BEST3: variants seen among roughly 807,000 people sequenced by gnomAD.
The protein encoded by BEST3 is bestrophin-3.
Under a neutral mutation model 47.1 loss-of-function variants are expected in BEST3, and 50 were observed. The observed-to-expected ratio is 1.06, with a 90% CI of 0.85 to 1.34. The LOEUF is 1.34. BEST3 is among the 40% of genes most tolerant of loss of function. The pLI, the probability that BEST3 is intolerant of heterozygous loss-of-function variation, is 0.00. For synonymous variants in BEST3, 282 were observed against 298.8 expected, an observed-to-expected ratio of 0.94 and a Z score of 0.58; for missense variants, 765 against 817.0, an observed-to-expected ratio of 0.94 and a Z score of 0.78.
intron 4 of BEST3, among the ~76,000 whole-genome samples, chr12:69,685,510 C>T (rs1159628881): frequency 6.6e-6 from 1 of 152,122 alleles, no homozygotes; most frequent in Non-Finnish European, 1.5e-5. Context: ...CCAGGTTGCT[C>T]TACATACCTA....
chr12:69,689,095 G>A (rs534051031), intron 4 of BEST3: 2 of 985,532 alleles, frequency 2.0e-6, no homozygotes, highest in East Asian at 2.3e-4. Context: ...TCAGGCAGGA[G>A]CAGGTGCTCC....
chr12:69,693,009 C>T (rs1048823139), intron 4 of BEST3, among the ~76,000 whole-genome samples: 7 of 152,102 alleles, frequency 4.6e-5, no homozygotes, highest in Admixed American at 1.3e-4. Context: ...GTGATCCACC[C>T]GCCTGGGCCT....
intron 8 of BEST3, among the ~76,000 whole-genome samples, chr12:69,672,487 T>C (rs769114561): frequency 2.6e-5 from 4 of 152,214 alleles, no homozygotes; most frequent in African/African-American, 9.6e-5. Context: ...ACTGCTGGGA[T>C]TGACGTGATA....
At chr12:69,678,382 G>GT (rs888363120) in intron 5 of BEST3, among the ~76,000 whole-genome samples, 1 of 152,006 alleles carries the variant, frequency 6.6e-6, no homozygotes, top group Non-Finnish European at 1.5e-5. Flanking sequence ...TCTCCTCCAG[G>GT]TTTTTTTCAA....
chr12:69,660,781 G>C (rs1883825637), intron 9 of BEST3: 5 of 152,202 alleles, frequency 3.3e-5, no homozygotes. Flanking sequence ...AGTCAGGCTG[G>C]TTAGTTATAG....
At chr12:69,665,610 C>CA (rs869237502) in intron 9 of BEST3, among the ~76,000 whole-genome samples, 2 of 38,988 alleles carry the variant, frequency 5.1e-5, no homozygotes, top group Non-Finnish European at 1.2e-4. Context: ...AAACAAAACA[C>CA]AAAAAAACAA....
intron 9 of BEST3, among the ~76,000 whole-genome samples, chr12:69,659,373 A>C (rs1436035639): frequency 6.6e-6 from 1 of 152,204 alleles, no homozygotes; most frequent in African/African-American, 2.4e-5. Context: ...ATTTATTTAG[A>C]GACAAAGCCT....
chr12:69,670,392 C>G (rs1339508735), intron 9 of BEST3: 5 of 697,754 alleles, frequency 7.2e-6, no homozygotes, highest in Non-Finnish European at 1.3e-5. Flanking sequence ...CAAGGCAAAT[C>G]TCCTGGCTCC....
chr12:69,678,705 A>G, intron 5 of BEST3, 34 bp downstream of exon 5: 4 of 1,602,432 alleles, frequency 2.5e-6, no homozygotes, highest in Non-Finnish European at 3.4e-6. Context: ...GTCTCTAATT[A>G]GCGTATTTTT....
chr12:69,678,679 A>T (rs1592354866), intron 5 of BEST3, 60 bp downstream of exon 5: 3 of 1,519,244 alleles, frequency 2.0e-6, no homozygotes, highest in Non-Finnish European at 2.7e-6. Flanking sequence ...AACGTGTTAT[A>T]TCCAGGTCCT....
At chr12:69,673,927 A>G (rs1884739796) in intron 7 of BEST3, among the ~76,000 whole-genome samples, 2 of 152,204 alleles carry the variant, frequency 1.3e-5, no homozygotes, top group Non-Finnish European at 2.9e-5. Flanking sequence ...ATATTTGATC[A>G]ATATTAAATA....
In BEST3 at chr12:69,655,703, T is replaced by C. The variant is rs1593132679; in HGVS notation, c.1211A>G (p.His404Arg). 6.2e-7 allele frequency: 1 copy of C among 1,613,520 alleles called. No individual in the cohort carries two copies. The highest frequency in any genetic ancestry group is 1.1e-5 in the South Asian group (1 of 91,042). The change falls in exon 10 of 10, where the codon CAC (histidine) becomes CGC (arginine). Residue 404 changes from histidine (H) to arginine (R), a missense_variant. His to Arg is a conservative substitution (Grantham distance 29, BLOSUM62 0). Transcript: ENST00000330891. ...RVKRFLSAHE[H>R]PSSPRRRSYR... ...GCTTCTTCTTCTGGGGCTGGAGGGG[T>C]GTTCGTGGGCACTCAGGAACCGCTT...
chr12:69,694,109 C>T, intron 3 of BEST3: 1 of 580,968 alleles, frequency 1.7e-6, no homozygotes, highest in Non-Finnish European at 3.0e-6. Context: ...GGTATTAGAT[C>T]TCAAATATTG....
intron 5 of BEST3, among the ~76,000 whole-genome samples, chr12:69,678,234 A>T (rs2588443): frequency 1.0e-3 from 43 of 42,278 alleles, no homozygotes; most frequent in Non-Finnish European, 1.7e-3. Flanking sequence ...GCCCTTATAT[A>T]AAAAAAATTT....
downstream of BEST3, among the ~76,000 whole-genome samples, chr12:69,649,009 T>G (rs1444617011): frequency 6.6e-6 from 1 of 152,184 alleles, no homozygotes; most frequent in Non-Finnish European, 1.5e-5. Context: ...TTTATTATTA[T>G]TATTTGAGAC....
chr12:69,665,591 T>TACAAA (rs869122707), intron 9 of BEST3, among the ~76,000 whole-genome samples: 5 of 151,002 alleles, frequency 3.3e-5, no homozygotes, highest in South Asian at 2.1e-4. Flanking sequence ...AGACCTTGTC[T>TACAAA]ACAAAACAAA....
In BEST3 at chr12:69,697,650, T is replaced by C; in HGVS notation, c.149A>G (p.Tyr50Cys). 2 of 1,585,210 alleles carry C rather than the reference T, an allele frequency of 1.3e-6. No homozygotes were observed. The highest frequency in any genetic ancestry group is 1.7e-6 in the Non-Finnish European group (2 of 1,167,466). The change falls in exon 2 of 10, where the codon TAC becomes TGC. Residue 50 changes from tyrosine to cysteine, a missense_variant. Tyr to Cys is a radical substitution (Grantham distance 194). Transcript: ENST00000330891. Reference sequence around the variant, plus strand: ...GGAGACATGTAAAGAAAAGTACCTGTATACCAAACTTATTGCTGTATAAAG... The same window carrying C: ...GGAGACATGTAAAGAAAAGTACCTGCATACCAAACTTATTGCTGTATAAAG... ...AVLYTAISLVYRLLLTGVQKR... is the reference protein window; with the variant it reads ...AVLYTAISLVCRLLLTGVQKR...
intron 2 of BEST3, among the ~76,000 whole-genome samples, chr12:69,696,939 T>G (rs958857321): frequency 6.6e-6 from 1 of 152,212 alleles, no homozygotes; most frequent in Non-Finnish European, 1.5e-5. Flanking sequence ...TTTATCATAC[T>G]GATGAAATTT....
intron 4 of BEST3, chr12:69,688,984 T>G (rs1885798863): frequency 1.9e-6 from 1 of 532,532 alleles, no homozygotes; most frequent in African/African-American, 2.1e-5. Flanking sequence ...ACAGGTGATT[T>G]TATGTAGAGA....
Sources: allele counts gnomAD v4.1 joint callset (sites outside exome capture counted in the v4.1 genomes callset), GRCh38; gene constraint gnomAD v4.1.1; transcripts MANE v1.5; gene names NCBI Gene and HGNC (gene_info 2026-07-23, HGNC 2026-07-21).